The following CELSR1 variants were observed in gnomAD, a reference collection of about 807,000 sequenced individuals.
CELSR1 encodes the protein adhesion G protein-coupled receptor C1.
In CELSR1, 110 loss-of-function variants were observed where a neutral mutation model predicts 249.1. That is an observed-to-expected ratio of 0.44 (90% CI 0.38 to 0.52). The LOEUF (loss-of-function observed/expected upper bound fraction) is 0.52. Among genes scored for constraint, CELSR1 ranks in the 20% least tolerant of loss-of-function variants. The pLI, the probability that CELSR1 is intolerant of heterozygous loss-of-function variation, is 0.00. For synonymous variants in CELSR1, 2,113 were observed against 1,900.0 expected, an observed-to-expected ratio of 1.11 and a Z score of -2.92; for missense variants, 4,109 against 4,296.4, an observed-to-expected ratio of 0.96 and a Z score of 1.22.
Position 46,526,714 on chromosome 22 carries a change from T to C in CELSR1, c.3544+6913A>G, listed in dbSNP as rs713917. 0.37 allele frequency among the ~76,000 whole-genome samples: 56,195 copies of C among 151,988 alleles called. 11,411 individuals carry two copies. Among genetic ancestry groups the C allele is most frequent in the African/African-American group, 0.53 (22,133 of 41,450 alleles). ...TTCCTGCTCCAGCTCCCAAGCAGACTGTTCCCCACCCAGGAGGCTATTCGG... is the reference window on the plus strand; with the variant it reads ...TTCCTGCTCCAGCTCCCAAGCAGACCGTTCCCCACCCAGGAGGCTATTCGG... On this transcript the variant is annotated intron_variant, in intron 1 of 34. Transcript: ENST00000674500. The surrounding 1 kb of genome is among the most constrained non-coding windows in gnomAD (Gnocchi z 4.7).
rs947431622 is a variant in CELSR1, at chr22:46,391,270, G to C, written c.6166C>G (p.Pro2056Ala). ...LGCEVIYNGCPKAFEAGIWWP... is the reference protein window; with the variant it reads ...LGCEVIYNGCAKAFEAGIWWP... Reference sequence around the variant, plus strand: ...CAGATGCCGGCCTCAAATGCTTTGGGACAGCCATTGTAGATCACTGGGGTA... The same window carrying C: ...CAGATGCCGGCCTCAAATGCTTTGGCACAGCCATTGTAGATCACTGGGGTA... The change falls in exon 16 of 35, where the codon CCC (proline) becomes GCC (alanine). Residue 2056 changes from proline to alanine, a missense_variant. Pro to Ala is a conservative substitution (Grantham distance 27). This residue lies in a region of CELSR1 where 1,805 missense variants were observed against 1,831.6 expected (regional missense o/e 0.99). Coordinates refer to ENST00000674500, the MANE Select transcript of CELSR1 (RefSeq NM_001378328.1). The surrounding 1 kb of genome is among the most constrained non-coding windows in gnomAD (Gnocchi z 4.3). 3.1e-6 allele frequency: 5 copies of C among 1,613,670 alleles called. No homozygotes were observed. The highest frequency in any genetic ancestry group is 4.2e-6 in the Non-Finnish European group (5 of 1,179,972).
intron 27 of CELSR1, 51 bp downstream of exon 27, chr22:46,369,128 G>A (rs112949305): frequency 0.049 from 77,461 of 1,574,594 alleles, 2,217 homozygotes; most frequent in Non-Finnish European, 0.059. Context: ...GGACGTCGGG[G>A]TCTCAGGGCC....
rs982627947 is a variant in CELSR1 at position 46,537,447 on chromosome 22, C to T, written c.-277G>A. On this transcript the variant is annotated 5_prime_UTR_variant, in exon 1 of 35. Coordinates refer to ENST00000674500, the MANE Select transcript of CELSR1 (RefSeq NM_001378328.1). The surrounding 1 kb of genome is among the most constrained non-coding windows in gnomAD (Gnocchi z 5.8). The stretch of plus-strand genomic sequence containing the variant: ...CGGGAGGGCGCCGCGCATCAACCTG[C>T]GGCGGCGGCGGCGGCTCCAGGCGGC... Among the ~76,000 whole-genome samples the T allele has an allele frequency of 1.8e-4, 26 of 144,072 alleles. No individual in the cohort carries two copies. The highest frequency in any genetic ancestry group is 6.9e-4 in the African/African-American group (26 of 37,494). The allele number at this position is 144,072 out of a possible 152,430, so 94.5% of individuals were successfully genotyped here. A position where few individuals can be genotyped will look rare whatever the true frequency, so the allele number is the denominator to read the frequency against.
At position 46,409,125 on chromosome 22, in the gene CELSR1, G is replaced by A. The variant is rs367960136; in HGVS notation, c.5097C>T (p.Val1699=). The A allele has an allele frequency of 2.2e-4, 361 of 1,613,416 alleles. No homozygotes were observed. Among genetic ancestry groups the A allele is most frequent in the Non-Finnish European group, 2.5e-4 (291 of 1,179,812 alleles). Residue 1699 remains valine, a synonymous_variant, in exon 9 of 35, where the codon GTC becomes GTT. Coordinates refer to ENST00000674500, the MANE Select transcript of CELSR1 (RefSeq NM_001378328.1). The surrounding 1 kb of genome is among the most constrained non-coding windows in gnomAD (Gnocchi z 9.8). ...PHPQLFSGES[V]VSWSDLNIII... is the part of the protein sequence containing the mutation. Reference sequence around the variant, plus strand: ...TGATGTTCAGGTCACTCCAGGACACGACGCTCTCACCGCTGAAGAGCTGGG... The same window carrying A: ...TGATGTTCAGGTCACTCCAGGACACAACGCTCTCACCGCTGAAGAGCTGGG...
rs559245117 is a variant in CELSR1 at position 46,407,283 on chromosome 22, A to T, written c.5226+1713T>A. 6.6e-6 allele frequency among the ~76,000 whole-genome samples: 1 copy of T among 152,326 alleles called. No individual in the cohort carries two copies. The highest frequency in any genetic ancestry group is 2.1e-4 in the South Asian group (1 of 4,826). On this transcript the variant is annotated intron_variant, in intron 9 of 34. Transcript: ENST00000674500. The surrounding 1 kb of genome is among the most constrained non-coding windows in gnomAD (Gnocchi z 4.8). The stretch of plus-strand genomic sequence containing the variant: ...CAAATGTGCACGCATGGAGAGATGC[A>T]CATACACAGACTGACATGCACACAC...
chr22:46,376,838 C>G (rs1163490376), intron 24 of CELSR1, among the ~76,000 whole-genome samples: 1 of 151,222 alleles, frequency 6.6e-6, no homozygotes, highest in Admixed American at 6.6e-5. Flanking sequence ...AAAGAAAGGG[C>G]CCCCCATCTC....
chr22:46,465,555 A>C (rs952950294), intron 1 of CELSR1, among the ~76,000 whole-genome samples: 1 of 152,186 alleles, frequency 6.6e-6, no homozygotes, highest in African/African-American at 2.4e-5. Flanking sequence ...TGTCACCCCG[A>C]GCCCGGCAAC....
Position 46,506,908 on chromosome 22 carries a change from G to A in CELSR1, c.3544+26719C>T, listed in dbSNP as rs1168559113. On this transcript the variant is annotated intron_variant, in intron 1 of 34. Coordinates refer to ENST00000674500, the MANE Select transcript of CELSR1 (RefSeq NM_001378328.1). The surrounding 1 kb of genome is among the most constrained non-coding windows in gnomAD (Gnocchi z 4.1). Reference sequence around the variant, plus strand: ...TCCTTTTTTCCAACACATAAAAACCGATTCCAGGCGGGGCGTGGTGGCTCA... The same window carrying A: ...TCCTTTTTTCCAACACATAAAAACCAATTCCAGGCGGGGCGTGGTGGCTCA... Among the ~76,000 whole-genome samples the A allele has an allele frequency of 6.6e-6, 1 of 152,104 alleles. No individual in the cohort carries two copies. The highest frequency in any genetic ancestry group is 2.4e-5 in the African/African-American group (1 of 41,424).
intron 1 of CELSR1, among the ~76,000 whole-genome samples, chr22:46,497,708 A>C (rs1043044254): frequency 2.6e-5 from 4 of 152,128 alleles, no homozygotes; most frequent in Non-Finnish European, 5.9e-5. Context: ...CTGGGCATTC[A>C]TATCTTCTGG....
rs1054795007 is a variant in CELSR1 at position 46,361,250 on chromosome 22, C to T, written c.*1973G>A. ...AGTGTTTTGAACATTAATAAATACA[C>T]GTTCTGTTAAAAACCTCCAGTGTCT... On this transcript the variant is annotated 3_prime_UTR_variant, in exon 35 of 35. Coordinates refer to ENST00000674500, the MANE Select transcript of CELSR1 (RefSeq NM_001378328.1). The T allele has an allele frequency of 8.6e-5, 13 of 151,768 alleles. No homozygotes were observed. Among genetic ancestry groups the T allele is most frequent in the African/African-American group, 1.5e-4 (6 of 40,672 alleles). 9.4% of individuals were successfully genotyped at this position (151,768 alleles called of 1,614,324 possible).
rs1320842588 is a variant in CELSR1, at chr22:46,484,297, G to A, written c.3545-19952C>T. Among the ~76,000 whole-genome samples, 1 of 152,198 alleles carries A rather than the reference G, an allele frequency of 6.6e-6. No homozygotes were observed. Among genetic ancestry groups the A allele is most frequent in the East Asian group, 1.9e-4 (1 of 5,138 alleles). On this transcript the variant is annotated intron_variant, in intron 1 of 34. Coordinates refer to ENST00000674500, the MANE Select transcript of CELSR1 (RefSeq NM_001378328.1). The surrounding 1 kb of genome is among the most constrained non-coding windows in gnomAD (Gnocchi z 4.5). ...CAAGACCGCTGGGAGGGTCCTGCAG[G>A]GGACAGAGTCCCTCCTTCCACCAGC...
intron 2 of CELSR1, among the ~76,000 whole-genome samples, chr22:46,460,600 C>T (rs773690095): frequency 5.9e-5 from 9 of 152,144 alleles, no homozygotes; most frequent in African/African-American, 1.7e-4. Flanking sequence ...GGCTGAGAAC[C>T]GAGGAACACC....
chr22:46,366,960 C>T (rs772199776), intron 29 of CELSR1, 33 bp downstream of exon 29: 3 of 1,596,682 alleles, frequency 1.9e-6, no homozygotes, highest in Non-Finnish European at 2.6e-6. Context: ...GCCGCCCAGC[C>T]CCCAGTCCCG....
Position 46,366,374 on chromosome 22 carries a change from C to G in CELSR1, c.8300+12G>C. On this transcript the variant is annotated intron_variant, in intron 30 of 34. Transcript: ENST00000674500. ...GAGAGCCACCTCCCCGAACCCGGAG[C>G]TGCGGCCTGACCTGACGATGCTGTC... 1 of 1,538,908 alleles carries G rather than the reference C, an allele frequency of 6.5e-7. No individual in the cohort carries two copies. Among genetic ancestry groups the G allele is most frequent in the Non-Finnish European group, 8.8e-7 (1 of 1,140,072 alleles).
At chr22:46,530,246 G>C (rs1225345490) in intron 1 of CELSR1, 1 of 152,304 alleles carries the variant, frequency 6.6e-6, no homozygotes, top group African/African-American at 2.4e-5. Flanking sequence ...TCCAGCTGGG[G>C]CAAGAGAGCA....
Position 46,395,981 on chromosome 22 carries a change from T to G in CELSR1, c.5843+624A>C, listed in dbSNP as rs916667043. ...GCGACTCGACAGAGAAAGCATTCTC[T>G]GTAAACCACATGCGTCTCCCTGCAT... On this transcript the variant is annotated intron_variant, in intron 13 of 34. Coordinates refer to ENST00000674500, the MANE Select transcript of CELSR1 (RefSeq NM_001378328.1). This position sits in a 1 kb window ranked among gnomAD's most constrained non-coding sequence, Gnocchi z 5.5. Among the ~76,000 whole-genome samples, 1 of 152,186 alleles carries G rather than the reference T, an allele frequency of 6.6e-6. No individual in the cohort carries two copies. Among genetic ancestry groups the G allele is most frequent in the African/African-American group, 2.4e-5 (1 of 41,450 alleles).
chr22:46,391,352 C>T lies in CELSR1; in HGVS notation c.6149-65G>A. 7.0e-7 allele frequency: 1 copy of T among 1,425,876 alleles called. No individual in the cohort carries two copies. The highest frequency in any genetic ancestry group is 2.3e-5 in the East Asian group (1 of 42,914). The allele number at this position is 1,425,876 out of a possible 1,614,324, so 88.3% of individuals were successfully genotyped here. Reference sequence around the variant, plus strand: ...CCACACCCACGACCACAAACAGGCACCACTGTCTGCATGCGCCTCCCTGCA... The same window carrying T: ...CCACACCCACGACCACAAACAGGCATCACTGTCTGCATGCGCCTCCCTGCA... On this transcript the variant is annotated intron_variant, in intron 15 of 34. Coordinates refer to ENST00000674500, the MANE Select transcript of CELSR1 (RefSeq NM_001378328.1). The surrounding 1 kb of genome is among the most constrained non-coding windows in gnomAD (Gnocchi z 4.3).
intron 1 of CELSR1, among the ~76,000 whole-genome samples, chr22:46,492,182 G>A (rs922815272): frequency 3.3e-5 from 5 of 152,184 alleles, no homozygotes; most frequent in Middle Eastern, 3.2e-3. Flanking sequence ...CATTCCTCCA[G>A]GAATGAAGCC....
intron 32 of CELSR1, 35 bp downstream of exon 32, chr22:46,365,196 A>G: frequency 1.9e-6 from 3 of 1,599,742 alleles, no homozygotes; most frequent in East Asian, 2.2e-5. Flanking sequence ...CGCTGTCCAC[A>G]GCCCAGCCTG....
Sources: allele counts gnomAD v4.1 joint callset (sites outside exome capture counted in the v4.1 genomes callset), GRCh38; gene constraint gnomAD v4.1.1; regional missense constraint gnomAD v4.1.1; non-coding constraint Gnocchi (gnomAD v3.1); transcripts MANE v1.5; gene names NCBI Gene and HGNC (gene_info 2026-07-23, HGNC 2026-07-21).